FRY: variants seen among roughly 807,000 people sequenced by gnomAD.
FRY encodes protein furry homolog.
In FRY, 128 loss-of-function variants were observed where a neutral mutation model predicts 348.4. That is an observed-to-expected ratio of 0.37 (90% confidence interval 0.32 to 0.43). The LOEUF (loss-of-function observed/expected upper bound fraction) is 0.43, where lower values mean the gene tolerates loss of function less well. Ranked by LOEUF, FRY falls within the 20% of genes least tolerant of loss-of-function variation. FRY has a pLI of 1.00. For missense variants in FRY, 2,736 were observed against 3,695.2 expected (o/e 0.74, Z 6.73); for synonymous variants, 1,370 against 1,374.7 (o/e 1.00, Z 0.08).
At chr13:32,226,292 G>A (rs1002674269) in intron 39 of FRY, among the ~76,000 whole-genome samples, 3 of 152,314 alleles carry the variant, frequency 2.0e-5, no homozygotes, top group Admixed American at 2.0e-4. Context: ...GAACACCGAA[G>A]GATGAGAACA....
intron 22 of FRY, 145 bp from the exon 23 acceptor site, chr13:32,179,530 T>TAC: frequency 1.4e-6 from 1 of 691,756 alleles, no homozygotes; most frequent in South Asian, 1.6e-5. Flanking sequence ...TGTGTGTGTG[T>TAC]GTGTGTGTGT....
chr13:32,235,728 G>A (rs556061187), intron 42 of FRY, among the ~76,000 whole-genome samples: 10 of 152,180 alleles, frequency 6.6e-5, no homozygotes, highest in Non-Finnish European at 1.0e-4. Flanking sequence ...CACCACGGAG[G>A]CAGCTCTTCC....
At chr13:32,033,003 C>T (rs778827935) in intron 1 of FRY, among the ~76,000 whole-genome samples, 2 of 152,118 alleles carry the variant, frequency 1.3e-5, no homozygotes, top group Non-Finnish European at 2.9e-5. Context: ...GCTAAAGTAC[C>T]TTCAGCCTTA....
intron 3 of FRY, among the ~76,000 whole-genome samples, chr13:32,104,625 GT>G (rs1331452196): frequency 6.6e-6 from 1 of 152,170 alleles, no homozygotes; most frequent in Non-Finnish European, 1.5e-5. Context: ...ATGTAGTCCA[GT>G]TTTAAAGTGA....
At chr13:32,153,300 C>T (rs1880913091) in intron 14 of FRY, among the ~76,000 whole-genome samples, 2 of 152,120 alleles carry the variant, frequency 1.3e-5, no homozygotes, top group African/African-American at 4.8e-5. Context: ...CAACTCATGT[C>T]CAAACCCCGG....
rs1309327501 is a variant in FRY, at chr13:32,244,190, C to T, written c.6828+8C>T. 6.2e-7 allele frequency: 1 copy of T among 1,611,576 alleles called. No individual in the cohort carries two copies. The highest frequency in any genetic ancestry group is 1.7e-5 in the Admixed American group (1 of 59,998). ...ATTGAAAAATATGTGCAAGTGAGTA[C>T]TTGGATAACTTCACTAAGCAACCAG... On this transcript the variant is annotated splice_region_variant and intron_variant, in intron 47 of 60. Coordinates refer to ENST00000542859, the MANE Select transcript of FRY (RefSeq NM_023037.3).
At chr13:32,107,271 C>T (rs1192686910) in intron 3 of FRY, among the ~76,000 whole-genome samples, 1 of 152,142 alleles carries the variant, frequency 6.6e-6, no homozygotes, top group African/African-American at 2.4e-5. Flanking sequence ...GCAGGAGAAT[C>T]GCTTGAACCT....
chr13:32,108,108 C>G (rs1234803924), intron 3 of FRY, among the ~76,000 whole-genome samples: 2 of 152,088 alleles, frequency 1.3e-5, no homozygotes, highest in African/African-American at 4.8e-5. Context: ...GTTTCACATT[C>G]CAGGAGCTCC....
chr13:32,072,195 G>A (rs986107060), intron 1 of FRY, among the ~76,000 whole-genome samples: 1 of 152,118 alleles, frequency 6.6e-6, no homozygotes, highest in Non-Finnish European at 1.5e-5. Context: ...AGTGAAAGGA[G>A]GAATGTATAT....
At chr13:32,261,914 A>G in intron 52 of FRY, 98 bp downstream of exon 52, 1 of 1,124,168 alleles carries the variant, frequency 8.9e-7, no homozygotes, top group African/African-American at 1.5e-5. Context: ...AACTTTCCAC[A>G]GCTGCTGAAC....
chr13:32,249,500 T>A, intron 48 of FRY, 26 bp from the exon 49 acceptor site: 1 of 1,613,244 alleles, frequency 6.2e-7, no homozygotes, highest in Non-Finnish European at 8.5e-7. Context: ...TGAGACAGAA[T>A]AATGTGCGTT....
intron 3 of FRY, 63 bp downstream of exon 3, chr13:32,102,079 C>G: frequency 1.1e-6 from 1 of 910,936 alleles, no homozygotes; most frequent in Non-Finnish European, 1.9e-6. Flanking sequence ...AAGGCAAGGT[C>G]TGCATGCTCA....
At chr13:32,275,973 A>AGC (rs1888516961) in intron 56 of FRY, among the ~76,000 whole-genome samples, 1 of 152,146 alleles carries the variant, frequency 6.6e-6, no homozygotes, top group African/African-American at 2.4e-5. Flanking sequence ...TTGATTTTAA[A>AGC]AGTCTCTGAA....
At chr13:32,282,695 T>C (rs1888870126) in intron 58 of FRY, among the ~76,000 whole-genome samples, 1 of 152,258 alleles carries the variant, frequency 6.6e-6, no homozygotes, top group Non-Finnish European at 1.5e-5. Context: ...TATTTATTTT[T>C]CTAGTTTTTC....
At chr13:32,274,518 C>G (rs1026915833) in intron 55 of FRY, among the ~76,000 whole-genome samples, 2 of 151,746 alleles carry the variant, frequency 1.3e-5, no homozygotes, top group Non-Finnish European at 2.9e-5. Flanking sequence ...TCCTGGCTAA[C>G]ACAGTGAAAC....
At chr13:32,075,306 G>T (rs1874975651) in intron 1 of FRY, among the ~76,000 whole-genome samples, 1 of 152,024 alleles carries the variant, frequency 6.6e-6, no homozygotes, top group South Asian at 2.1e-4. Context: ...AACATAAATT[G>T]TGACAGCAGT....
At chr13:32,108,174 G>A (rs1419227994) in intron 3 of FRY, among the ~76,000 whole-genome samples, 6 of 152,206 alleles carry the variant, frequency 3.9e-5, no homozygotes, top group African/African-American at 1.2e-4. Flanking sequence ...GCCTGCATGT[G>A]TAAGAAGTGC....
chr13:32,186,472 G>A (rs746336223), intron 27 of FRY, 52 bp downstream of exon 27: 39 of 1,108,968 alleles, frequency 3.5e-5, no homozygotes, highest in African/African-American at 2.8e-4. Context: ...GGTCTCTCTC[G>A]TTAAACTAAT....
intron 40 of FRY, among the ~76,000 whole-genome samples, chr13:32,228,863 T>C (rs547336766): frequency 6.6e-6 from 1 of 152,312 alleles, no homozygotes; most frequent in East Asian, 1.9e-4. Context: ...TAGCAGTTTC[T>C]AGGATCCCAC....
Sources: allele counts gnomAD v4.1 joint callset (sites outside exome capture counted in the v4.1 genomes callset), GRCh38; gene constraint gnomAD v4.1.1; transcripts MANE v1.5; gene names NCBI Gene and HGNC (gene_info 2026-07-23, HGNC 2026-07-21).